The following CNTNAP4 variants were observed in gnomAD, a reference collection of about 807,000 sequenced individuals.
CNTNAP4 encodes the protein contactin-associated protein-like 4.
CNTNAP4 carries 98 observed loss-of-function variants against 148.4 expected under a neutral mutation model. The ratio of observed to expected loss-of-function variants is 0.66; its 90% CI spans 0.56 to 0.78. CNTNAP4 has a LOEUF of 0.78. Ranked by LOEUF, CNTNAP4 falls within the 30% of genes least tolerant of loss-of-function variation. CNTNAP4 has a pLI of 0.00. For synonymous variants in CNTNAP4, 730 were observed against 565.1 expected (o/e 1.29, Z -4.14); for missense variants, 1,935 against 1,565.6 (o/e 1.24, Z -3.98).
intron 2 of CNTNAP4, among the ~76,000 whole-genome samples, chr16:76,324,985 A>G (rs886395454): frequency 6.6e-6 from 1 of 152,224 alleles, no homozygotes; most frequent in African/African-American, 2.4e-5. Flanking sequence ...CTACATTTCC[A>G]GAAACTAGTA....
chr16:76,541,858 C>T, intron 21 of CNTNAP4, among the ~76,000 whole-genome samples: 1 of 152,160 alleles, frequency 6.6e-6, no homozygotes, highest in African/African-American at 2.4e-5. Context: ...CTATAGTGGA[C>T]AGAAAAAAAT....
chr16:76,553,317 A>G lies in CNTNAP4; in HGVS notation c.3477A>G (p.Ala1159=). Reference sequence around the variant, plus strand: ...ATGTGGACCAGGATACTGCACTGGCAGGTGCGCAGGGCTTCACAGGCTGCC... The same window carrying G: ...ATGTGGACCAGGATACTGCACTGGCGGGTGCGCAGGGCTTCACAGGCTGCC... ...HSDVDQDTAL[A]GAQGFTGCLS... is the part of the protein sequence containing the mutation. Residue 1159 remains alanine (A), a synonymous_variant, in exon 22 of 24, where the codon GCA becomes GCG. Coordinates refer to ENST00000611870, the MANE Select transcript of CNTNAP4 (RefSeq NM_033401.5). The G allele has an allele frequency of 6.2e-7, 1 of 1,612,252 alleles. No individual in the cohort carries two copies. Among genetic ancestry groups the G allele is most frequent in the Non-Finnish European group, 8.5e-7 (1 of 1,178,762 alleles).
At chr16:76,515,540 C>T (rs1417216064) in intron 15 of CNTNAP4, among the ~76,000 whole-genome samples, 1 of 152,172 alleles carries the variant, frequency 6.6e-6, no homozygotes, top group African/African-American at 2.4e-5. Context: ...ATCCTACCAG[C>T]ACCTTGATCT....
intron 15 of CNTNAP4, among the ~76,000 whole-genome samples, 155 bp from the exon 16 acceptor site, chr16:76,520,985 T>C (rs567333757): frequency 3.9e-5 from 6 of 152,310 alleles, no homozygotes; most frequent in African/African-American, 1.2e-4. Flanking sequence ...ATATCTTGTA[T>C]ACTACATAGT....
intron 1 of CNTNAP4, among the ~76,000 whole-genome samples, chr16:76,288,310 C>G (rs1567586199): frequency 6.6e-6 from 1 of 152,084 alleles, no homozygotes; most frequent in Admixed American, 6.6e-5. Context: ...AACTTCTTTT[C>G]TTTGTAAATT....
At chr16:76,371,053 A>G (rs944291837) in intron 3 of CNTNAP4, among the ~76,000 whole-genome samples, 6 of 152,156 alleles carry the variant, frequency 3.9e-5, no homozygotes, top group Admixed American at 3.3e-4. Flanking sequence ...TTTGCCACAT[A>G]ATCGACACTG....
At chr16:76,401,579 T>C (rs2078418206) in intron 3 of CNTNAP4, among the ~76,000 whole-genome samples, 1 of 152,182 alleles carries the variant, frequency 6.6e-6, no homozygotes, top group Non-Finnish European at 1.5e-5. Flanking sequence ...TCTGATACTA[T>C]GTTGAACGAG....
intron 8 of CNTNAP4, among the ~76,000 whole-genome samples, chr16:76,454,972 A>C (rs2080667110): frequency 6.6e-6 from 1 of 152,220 alleles, no homozygotes; most frequent in Non-Finnish European, 1.5e-5. Context: ...GAAAGAACTG[A>C]ATTGTGCAAA....
chr16:76,485,182 A>T (rs1021303847), intron 12 of CNTNAP4, among the ~76,000 whole-genome samples: 2 of 152,138 alleles, frequency 1.3e-5, no homozygotes, highest in African/African-American at 4.8e-5. Flanking sequence ...CAATGGCACG[A>T]TCTCGGCTGG....
intron 1 of CNTNAP4, among the ~76,000 whole-genome samples, chr16:76,287,173 A>C (rs1958923184): frequency 6.6e-6 from 1 of 152,220 alleles, no homozygotes. Context: ...ACATTTAAGA[A>C]AGCAAAGAGC....
At chr16:76,518,834 C>T (rs979768569) in intron 15 of CNTNAP4, among the ~76,000 whole-genome samples, 2 of 152,158 alleles carry the variant, frequency 1.3e-5, no homozygotes, top group Non-Finnish European at 2.9e-5. Flanking sequence ...TGCCCAATCT[C>T]TCTTCCTCTT....
chr16:76,291,876 C>T (rs1003517780), intron 1 of CNTNAP4, among the ~76,000 whole-genome samples: 1 of 152,222 alleles, frequency 6.6e-6, no homozygotes, highest in Non-Finnish European at 1.5e-5. Flanking sequence ...CTTAGCACAG[C>T]ATCTGTTCAT....
chr16:76,277,727 G>A lies in CNTNAP4; in HGVS notation c.65G>A (p.Arg22Lys), dbSNP rs746914372. The A allele has an allele frequency of 2.5e-6, 4 of 1,601,166 alleles. No homozygotes were observed. The highest frequency in any genetic ancestry group is 1.7e-4 in the Middle Eastern group (1 of 6,046). The change falls in exon 1 of 24, where the codon AGA becomes AAA. Residue 22 changes from arginine to lysine, a missense_variant. Physicochemically the swap from Arg to Lys is conservative, Grantham distance 26. Transcript: ENST00000611870. ...CTGTTATCTACTCAAAATTGGAACA[G>A]AGTCGAAGCTGGGAATTCCTGTAAG... The part of the protein sequence containing the change: ...LLLLSTQNWN[R>K]VEAGNSYDCD...
chr16:76,427,434 C>A lies in CNTNAP4; in HGVS notation c.391-18C>A. 6.3e-7 allele frequency: 1 copy of A among 1,597,488 alleles called. No homozygotes were observed. The highest frequency in any genetic ancestry group is 8.5e-7 in the Non-Finnish European group (1 of 1,171,818). ...GTTCTCCAGATACATTGATGTGCTTCTTTCCCTTTTCTTTTAGGGTTTTTC... is the reference window on the plus strand; with the variant it reads ...GTTCTCCAGATACATTGATGTGCTTATTTCCCTTTTCTTTTAGGGTTTTTC... On this transcript the variant is annotated intron_variant, in intron 3 of 23. Transcript: ENST00000611870.
Position 76,452,765 on chromosome 16 carries a change from A to G in CNTNAP4, c.1329A>G (p.Thr443=). 6.4e-7 allele frequency: 1 copy of G among 1,573,894 alleles called. No individual in the cohort carries two copies. The highest frequency in any genetic ancestry group is 1.2e-5 in the South Asian group (1 of 84,474). The stretch of plus-strand genomic sequence containing the variant: ...CAGGAAAATTACCCAGTGACATCAC[A>G]GCAGGTAATAAATGTATTCCCTGGG... The part of the protein sequence containing the change: ...YQPGKLPSDI[T]AGVELNDGQW... The change falls in exon 8 of 24, where the codon ACA becomes ACG. Residue 443 remains threonine, a synonymous_variant. Transcript: ENST00000611870.
At chr16:76,363,080 G>T (rs901281421) in intron 3 of CNTNAP4, among the ~76,000 whole-genome samples, 1 of 151,294 alleles carries the variant, frequency 6.6e-6, no homozygotes, top group Non-Finnish European at 1.5e-5. Flanking sequence ...AATAGACAAT[G>T]GGGAATGTAT....
At chr16:76,418,810 C>T (rs1460740771) in intron 3 of CNTNAP4, among the ~76,000 whole-genome samples, 1 of 151,198 alleles carries the variant, frequency 6.6e-6, no homozygotes, top group African/African-American at 2.4e-5. Flanking sequence ...ACAATAGAAA[C>T]TAAGACAAAT....
At chr16:76,413,353 A>C (rs1005969568) in intron 3 of CNTNAP4, among the ~76,000 whole-genome samples, 8 of 151,176 alleles carry the variant, frequency 5.3e-5, no homozygotes, top group Non-Finnish European at 1.0e-4. Context: ...ATTGTTTTCC[A>C]ATGTGGATAT....
chr16:76,545,106 G>A (rs1051202172), intron 21 of CNTNAP4, among the ~76,000 whole-genome samples: 3 of 152,124 alleles, frequency 2.0e-5, no homozygotes, highest in African/African-American at 7.2e-5. Context: ...TGTTTTAAAA[G>A]GAAAGTGCAA....
Sources: allele counts gnomAD v4.1 joint callset (sites outside exome capture counted in the v4.1 genomes callset), GRCh38; gene constraint gnomAD v4.1.1; transcripts MANE v1.5; gene names NCBI Gene and HGNC (gene_info 2026-07-23, HGNC 2026-07-21).